The following NUP205 variants were observed in gnomAD, a reference collection of about 807,000 sequenced individuals.
NUP205 encodes the protein nuclear pore complex protein Nup205.
In NUP205, 76 loss-of-function variants were observed where a neutral mutation model predicts 253.8. The observed-to-expected ratio is 0.30, with a 90% CI of 0.25 to 0.36. NUP205 has a LOEUF of 0.36. Ranked by LOEUF, NUP205 falls within the 10% of genes least tolerant of loss-of-function variation. NUP205 has a pLI of 1.00. For missense variants in NUP205, 2,162 were observed against 2,425.5 expected (o/e 0.89, Z 2.28); for synonymous variants, 832 against 850.1 (o/e 0.98, Z 0.37).
At chr7:135,561,980 C>T (rs1371618858) in intron 1 of NUP205, among the ~76,000 whole-genome samples, 3 of 151,360 alleles carry the variant, frequency 2.0e-5, no homozygotes, top group Non-Finnish European at 4.4e-5. Context: ...TGCAGTGGTG[C>T]AGTCTCGGCT....
intron 19 of NUP205, 76 bp from the exon 20 acceptor site, chr7:135,606,069 C>G (rs755500485): frequency 3.1e-6 from 3 of 956,854 alleles, no homozygotes; most frequent in Non-Finnish European, 5.0e-6. Context: ...TGAATATTTA[C>G]ATATATCAAT....
At chr7:135,567,650 G>A (rs73725132) in intron 1 of NUP205, among the ~76,000 whole-genome samples, 5,175 of 151,850 alleles carry the variant, frequency 0.034, 119 homozygotes, top group Middle Eastern at 0.1. Context: ...GTCATCTGAC[G>A]TTGTTCATTG....
chr7:135,609,580 G>A (rs1275454919), intron 22 of NUP205, among the ~76,000 whole-genome samples: 4 of 151,386 alleles, frequency 2.6e-5, no homozygotes, highest in Non-Finnish European at 4.4e-5. Context: ...CTTGGGAGGC[G>A]GAGCTTGCAG....
chr7:135,578,986 T>A, intron 7 of NUP205, 71 bp downstream of exon 7: 1 of 1,276,506 alleles, frequency 7.8e-7, no homozygotes, highest in Non-Finnish European at 1.1e-6. Context: ...TTGGAAGGAG[T>A]ATTATCTTTG....
intron 7 of NUP205, among the ~76,000 whole-genome samples, chr7:135,582,484 T>G (rs1401108199): frequency 6.6e-6 from 1 of 152,198 alleles, no homozygotes; most frequent in African/African-American, 2.4e-5. Flanking sequence ...TATGGGTAGA[T>G]AAGCACGTTT....
Position 135,576,229 on chromosome 7 carries a change from C to T in NUP205, c.344-41C>T, listed in dbSNP as rs774919509. ...ATTTTTGTCTCCTCCTAAACACATA[C>T]GTGTTTATTAACAATATTATTTCTC... On this transcript the variant is annotated intron_variant, in intron 3 of 42. Coordinates refer to ENST00000285968, the MANE Select transcript of NUP205 (RefSeq NM_015135.3). 106 of 1,538,022 alleles carry T rather than the reference C, an allele frequency of 6.9e-5. No homozygotes were observed. In the East Asian group the frequency reaches 7.7e-4, roughly 11 times the overall value.
intron 1 of NUP205, among the ~76,000 whole-genome samples, chr7:135,563,158 T>G (rs1026638574): frequency 1.3e-5 from 2 of 152,092 alleles, no homozygotes; most frequent in Non-Finnish European, 2.9e-5. Context: ...CTTCATATCC[T>G]GACCACAGTT....
chr7:135,576,557 A>C, intron 4 of NUP205, 143 bp downstream of exon 4: 1 of 718,796 alleles, frequency 1.4e-6, no homozygotes, highest in Non-Finnish European at 2.2e-6. Flanking sequence ...AGATATAACA[A>C]TTTAAACCTG....
At chr7:135,584,026 A>G (rs1584650395) in intron 7 of NUP205, among the ~76,000 whole-genome samples, 1 of 151,922 alleles carries the variant, frequency 6.6e-6, no homozygotes, top group South Asian at 2.1e-4. Flanking sequence ...TATTTTTAGT[A>G]GAGATGAGGT....
chr7:135,611,001 CTTT>C (rs753311876), intron 22 of NUP205, among the ~76,000 whole-genome samples: 4 of 137,850 alleles, frequency 2.9e-5, no homozygotes, highest in Non-Finnish European at 3.2e-5. Context: ...TCCTTCTCTT[CTTT>C]TTTTTTTTTT....
chr7:135,615,871 T>C (rs758648862), intron 23 of NUP205, 45 bp from the exon 24 acceptor site: 8 of 1,387,674 alleles, frequency 5.8e-6, no homozygotes, highest in Non-Finnish European at 7.9e-6. Flanking sequence ...GTTTTGATAC[T>C]GTGTTATTAC....
At chr7:135,574,169 C>G (rs1379683143) in intron 3 of NUP205, among the ~76,000 whole-genome samples, 1 of 152,062 alleles carries the variant, frequency 6.6e-6, no homozygotes, top group Non-Finnish European at 1.5e-5. Flanking sequence ...GGAAGGAAGG[C>G]TTCAGTTTAG....
intron 1 of NUP205, among the ~76,000 whole-genome samples, chr7:135,568,553 C>T (rs923113653): frequency 2.6e-5 from 4 of 151,908 alleles, no homozygotes; most frequent in Non-Finnish European, 5.9e-5. Flanking sequence ...AGGCTGGTCT[C>T]GAACTCCTAG....
In NUP205 at chr7:135,616,002, C is replaced by G. The variant is rs762143972; in HGVS notation, c.3397C>G (p.Arg1133Gly). The stretch of plus-strand genomic sequence containing the variant: ...AAGGGTAACCTCTCTGAATCGTCAG[C>G]GGTCACATACCCAGAGGCTCCTACA... ...ELRVTSLNRQ[R>G]SHTQRLLHLL... The change falls in exon 24 of 43, where the codon CGG becomes GGG. Residue 1133 changes from arginine to glycine, a missense_variant. Arg to Gly is a moderately radical substitution (Grantham distance 125). Coordinates refer to ENST00000285968, the MANE Select transcript of NUP205 (RefSeq NM_015135.3). 1 of 1,613,514 alleles carries G rather than the reference C, an allele frequency of 6.2e-7. No homozygotes were observed.
chr7:135,638,752 T>C, intron 38 of NUP205, 69 bp downstream of exon 38: 1 of 1,536,278 alleles, frequency 6.5e-7, no homozygotes, highest in East Asian at 2.2e-5. Flanking sequence ...CTCTCCAGCT[T>C]GGCTCCAGTA....
chr7:135,598,600 G>A (rs1793897906), intron 15 of NUP205, among the ~76,000 whole-genome samples: 1 of 152,216 alleles, frequency 6.6e-6, no homozygotes, highest in South Asian at 2.1e-4. Context: ...GCACTGGGTT[G>A]TGGAGTACTG....
At chr7:135,566,799 G>T (rs981911262) in intron 1 of NUP205, among the ~76,000 whole-genome samples, 1 of 151,924 alleles carries the variant, frequency 6.6e-6, no homozygotes, top group Non-Finnish European at 1.5e-5. Context: ...GCGCAGTGGC[G>T]CAATCTCGGC....
chr7:135,644,277 T>C (rs2129492652), intron 39 of NUP205, among the ~76,000 whole-genome samples: 1 of 152,352 alleles, frequency 6.6e-6, no homozygotes, highest in African/African-American at 2.4e-5. Context: ...TTTGGGTTCA[T>C]GCCTGGCAGT....
chr7:135,602,991 C>T lies in NUP205; in HGVS notation c.2699C>T (p.Ala900Val), dbSNP rs1350362707. ...TKKADNVVNI[A>V]RYLYHGNTNP... is the part of the protein sequence containing the mutation. ...AAGGCAGATAATGTGGTAAACATTGCCAGGTAAGTTACCTTTGTAGGTAGA... is the reference window on the plus strand; with the variant it reads ...AAGGCAGATAATGTGGTAAACATTGTCAGGTAAGTTACCTTTGTAGGTAGA... The change falls in exon 18 of 43, where the codon GCC becomes GTC. Residue 900 changes from alanine (A) to valine (V), a missense_variant. By Grantham distance (64) the Ala-to-Val change is moderately conservative. Coordinates refer to ENST00000285968, the MANE Select transcript of NUP205 (RefSeq NM_015135.3). The T allele has an allele frequency of 6.2e-7, 1 of 1,602,602 alleles. No individual in the cohort carries two copies.
Sources: gnomAD v4.1 joint callset for allele counts (sites outside exome capture counted in the v4.1 genomes callset) on GRCh38, gnomAD v4.1.1 for gene constraint, MANE v1.5 for transcripts, NCBI Gene and HGNC (gene_info 2026-07-23, HGNC 2026-07-21) for gene names.